The following PCDHGA7 variants were observed in gnomAD, a reference collection of about 807,000 sequenced individuals.
PCDHGA7 encodes the protein protocadherin gamma subfamily A, 7.
Under a neutral mutation model 58.3 loss-of-function variants are expected in PCDHGA7, and 44 were observed. That is an observed-to-expected ratio of 0.75 (90% CI 0.59 to 0.97). PCDHGA7 has a LOEUF of 0.97. Ranked by LOEUF, PCDHGA7 falls within the 50% of genes least tolerant of loss-of-function variation. The probability of loss-of-function intolerance (pLI) is 0.00; values close to 1 mark genes in which losing one functional copy is unlikely to be tolerated. For missense variants in PCDHGA7, 1,266 were observed against 1,188.7 expected (o/e 1.06, Z -0.96); for synonymous variants, 516 against 504.2 (o/e 1.02, Z -0.31).
In PCDHGA7 at chr5:141,477,955, C is replaced by T. The variant is rs748233998; in HGVS notation, c.2425-16852C>T. The T allele has an allele frequency of 3.7e-6, 6 of 1,614,004 alleles. No homozygotes were observed. Among genetic ancestry groups the T allele is most frequent in the Admixed American group, 3.3e-5 (2 of 59,988 alleles). On this transcript the variant is annotated intron_variant, in intron 1 of 3. Transcript: ENST00000518325. This position sits in a 1 kb window ranked among gnomAD's most constrained non-coding sequence, Gnocchi z 4.9. ...GGCTCTCCTACAGTCTCTTGGGATCCCCTAACCAGAGCCTTTTTGCCATAG... is the reference window on the plus strand; with the variant it reads ...GGCTCTCCTACAGTCTCTTGGGATCTCCTAACCAGAGCCTTTTTGCCATAG...
At chr5:141,399,987 A>T in intron 1 of PCDHGA7, 1 of 1,612,224 alleles carries the variant, frequency 6.2e-7, no homozygotes, top group Non-Finnish European at 8.5e-7. Flanking sequence ...TGCGCACAGG[A>T]GAGGTGCGCA....
At chr5:141,456,815 T>A (rs867637586) in intron 1 of PCDHGA7, among the ~76,000 whole-genome samples, 5 of 151,934 alleles carry the variant, frequency 3.3e-5, no homozygotes, top group Non-Finnish European at 7.4e-5. Flanking sequence ...ATACAAAAAA[T>A]TAGCCATCGT....
At position 141,491,196 on chromosome 5, in the gene PCDHGA7, T is replaced by C. The variant is rs899789155; in HGVS notation, c.2425-3611T>C. ...TGGTGGTCCTGGTGAGGGACAATGGTGACCCTTCACTCTCCTCCACAGCCA... is the reference window on the plus strand; with the variant it reads ...TGGTGGTCCTGGTGAGGGACAATGGCGACCCTTCACTCTCCTCCACAGCCA... On this transcript the variant is annotated intron_variant, in intron 1 of 3. Transcript: ENST00000518325. The surrounding 1 kb of genome is among the most constrained non-coding windows in gnomAD (Gnocchi z 6.9). The C allele has an allele frequency of 6.8e-6, 11 of 1,614,186 alleles. No homozygotes were observed. The highest frequency in any genetic ancestry group is 9.3e-6 in the Non-Finnish European group (11 of 1,180,030).
intron 1 of PCDHGA7, chr5:141,403,207 C>G: frequency 6.2e-7 from 1 of 1,613,966 alleles, no homozygotes. Context: ...GCACCTTGGT[C>G]ACCGCGGGTA....
intron 1 of PCDHGA7, among the ~76,000 whole-genome samples, chr5:141,474,114 C>T (rs940809934): frequency 2.6e-5 from 4 of 152,224 alleles, no homozygotes; most frequent in South Asian, 2.1e-4. Context: ...ACAACAACAA[C>T]GAAAATCTCA....
intron 1 of PCDHGA7, among the ~76,000 whole-genome samples, chr5:141,474,250 A>G (rs2099346141): frequency 6.6e-6 from 1 of 152,236 alleles, no homozygotes; most frequent in East Asian, 1.9e-4. Flanking sequence ...GGGGAAAAAA[A>G]GACTGATAAA....
intron 1 of PCDHGA7, among the ~76,000 whole-genome samples, chr5:141,482,144 G>C (rs564178008): frequency 1.3e-4 from 20 of 151,858 alleles, no homozygotes; most frequent in Admixed American, 9.8e-4. Flanking sequence ...GGCATAAAAA[G>C]GTCAAGTCAA....
At chr5:141,419,261 G>C (rs758952830) in intron 1 of PCDHGA7, 16 of 1,613,982 alleles carry the variant, frequency 9.9e-6, no homozygotes, top group Non-Finnish European at 1.3e-5. Context: ...CAACCAGCCG[G>C]GTGCCTCCAT....
intron 1 of PCDHGA7, among the ~76,000 whole-genome samples, chr5:141,451,854 C>T (rs1243479409): frequency 6.6e-6 from 1 of 152,058 alleles, no homozygotes; most frequent in Non-Finnish European, 1.5e-5. Flanking sequence ...CCACTCCAGC[C>T]TAGGCCACAG....
intron 1 of PCDHGA7, among the ~76,000 whole-genome samples, chr5:141,482,689 C>T (rs145383957): frequency 7.1e-6 from 1 of 140,984 alleles, no homozygotes; most frequent in East Asian, 1.9e-4. Flanking sequence ...GCTTGTCAGA[C>T]AGTAAAGGGG....
In PCDHGA7 at chr5:141,511,580, G is replaced by A. The variant is rs1436011320; in HGVS notation, c.*407G>A. ...CTCTTTCCCGAGTAAGGTGGTTGGG[G>A]TGTTGAAGTACCAAGTAACCTACAA... On this transcript the variant is annotated 3_prime_UTR_variant, in exon 4 of 4. Coordinates refer to ENST00000518325, the MANE Select transcript of PCDHGA7 (RefSeq NM_018920.4). 2 of 282,206 alleles carry A rather than the reference G, an allele frequency of 7.1e-6. No individual in the cohort carries two copies. Among genetic ancestry groups the A allele is most frequent in the Admixed American group, 4.6e-5 (1 of 21,516 alleles). The allele number at this position is 282,206 out of a possible 1,614,324, so 17.5% of individuals were successfully genotyped here.
rs1316537355 is a variant in PCDHGA7, at chr5:141,384,672, G to A, written c.1773G>A (p.Val591=). 6.2e-7 allele frequency: 1 copy of A among 1,614,086 alleles called. No individual in the cohort carries two copies. The highest frequency in any genetic ancestry group is 8.5e-7 in the Non-Finnish European group (1 of 1,180,038). The change falls in exon 1 of 4, where the codon GTG becomes GTA. Residue 591 remains valine, a synonymous_variant. Transcript: ENST00000518325. ...AGCCCGGCTACCTGGTGACCAAGGT[G>A]GTGGCGGTGGACAAAGATTCAGGCC... ...SAEPGYLVTK[V]VAVDKDSGQN...
chr5:141,497,919 T>G (rs762168347), intron 2 of PCDHGA7, among the ~76,000 whole-genome samples: 11 of 152,206 alleles, frequency 7.2e-5, no homozygotes, highest in Non-Finnish European at 1.6e-4. Flanking sequence ...TCTCCTTCAT[T>G]CATTCAACAA....
At chr5:141,409,059 A>G (rs2095217608) in intron 1 of PCDHGA7, 2 of 1,614,050 alleles carry the variant, frequency 1.2e-6, no homozygotes, top group Non-Finnish European at 1.7e-6. Context: ...AGCACTGCCC[A>G]GAGCACAAAA....
chr5:141,489,776 C>T lies in PCDHGA7; in HGVS notation c.2425-5031C>T. The T allele has an allele frequency of 6.2e-7, 1 of 1,614,202 alleles. No homozygotes were observed. Among genetic ancestry groups the T allele is most frequent in the Non-Finnish European group, 8.5e-7 (1 of 1,180,020 alleles). On this transcript the variant is annotated intron_variant, in intron 1 of 3. Transcript: ENST00000518325. This position sits in a 1 kb window ranked among gnomAD's most constrained non-coding sequence, Gnocchi z 4.5. ...ACTCTAAGCCCCAACAGCCACTTCT[C>T]TCTGAATGTGAAGACCCTAAAAGAT...
intron 1 of PCDHGA7, chr5:141,439,898 C>T (rs1428014089): frequency 6.6e-6 from 1 of 152,344 alleles, no homozygotes; most frequent in African/African-American, 2.4e-5. Context: ...ACCAAGGCGA[C>T]TACTGCCTCC....
intron 1 of PCDHGA7, among the ~76,000 whole-genome samples, chr5:141,480,513 C>T (rs1376669385): frequency 7.9e-6 from 1 of 127,246 alleles, no homozygotes. Context: ...ATGAGAACAA[C>T]CAAAAATGAC....
chr5:141,505,558 C>A (rs945428797), intron 3 of PCDHGA7, 77 bp downstream of exon 3: 1 of 1,605,016 alleles, frequency 6.2e-7, no homozygotes, highest in African/African-American at 1.3e-5. Context: ...ACCATGCCCA[C>A]GGACTGGATG....
At chr5:141,469,408 C>A (rs765861544) in intron 1 of PCDHGA7, among the ~76,000 whole-genome samples, 20 of 152,008 alleles carry the variant, frequency 1.3e-4, no homozygotes, top group Non-Finnish European at 2.6e-4. Flanking sequence ...AACCCCGTTT[C>A]TACTAAAAAT....
Sources: gnomAD v4.1 joint callset for allele counts (sites outside exome capture counted in the v4.1 genomes callset) on GRCh38, gnomAD v4.1.1 for gene constraint, Gnocchi (gnomAD v3.1) non-coding constraint, MANE v1.5 for transcripts, NCBI Gene and HGNC (gene_info 2026-07-23, HGNC 2026-07-21) for gene names.